The following COL5A2 variants were observed in gnomAD, a reference collection of about 807,000 sequenced individuals.
COL5A2 encodes the protein collagen alpha-2(V) chain.
A neutral mutation model predicts 208.2 loss-of-function variants in COL5A2; 23 were observed. The observed-to-expected ratio is 0.11, with a 90% CI of 0.08 to 0.16. The LOEUF (loss-of-function observed/expected upper bound fraction) is 0.16. Ranked by LOEUF, COL5A2 falls within the 10% of genes least tolerant of loss-of-function variation. COL5A2 has a pLI of 1.00. For missense variants in COL5A2, 1,590 were observed against 1,956.4 expected, an observed-to-expected ratio of 0.81 and a Z score of 3.53; for synonymous variants, 625 against 628.5, an observed-to-expected ratio of 0.99 and a Z score of 0.08.
intron 4 of COL5A2, 102 bp downstream of exon 4, chr2:189,100,005 T>G: frequency 9.9e-7 from 1 of 1,012,162 alleles, no homozygotes; most frequent in Non-Finnish European, 1.5e-6. Context: ...TTAAAATAAC[T>G]AATTTATTTT....
chr2:189,064,953 T>A (rs547400416), intron 24 of COL5A2, 51 bp downstream of exon 24: 3 of 1,576,748 alleles, frequency 1.9e-6, no homozygotes, highest in African/African-American at 2.7e-5. Context: ...AAAAATGGCA[T>A]CTTCTGGAGC....
chr2:189,313,539 C>A, the COL5A2 span, among the ~76,000 whole-genome samples: 1 of 152,118 alleles, frequency 6.6e-6, no homozygotes, highest in Non-Finnish European at 1.5e-5. Context: ...ATAAACAAGT[C>A]TGCAAAATAA....
chr2:189,053,154 G>T (rs1685828025), intron 38 of COL5A2, 136 bp from the exon 39 acceptor site: 1 of 804,810 alleles, frequency 1.2e-6, no homozygotes, highest in Non-Finnish European at 2.0e-6. Flanking sequence ...GCATACTAAA[G>T]GAAAAAAAGT....
chr2:189,325,493 C>CACACACAT, the COL5A2 span, among the ~76,000 whole-genome samples: 2 of 151,860 alleles, frequency 1.3e-5, no homozygotes, highest in Admixed American at 6.6e-5. Flanking sequence ...CACACACACA[C>CACACACAT]ACACACATAC....
chr2:189,160,822 TTTTTC>T (rs1688347043), intron 1 of COL5A2, among the ~76,000 whole-genome samples: 1 of 150,758 alleles, frequency 6.6e-6, no homozygotes, highest in South Asian at 2.1e-4. Context: ...TTTTCTTTTC[TTTTTC>T]CTTTTTTTTT....
the COL5A2 span, among the ~76,000 whole-genome samples, chr2:189,308,114 G>T: frequency 6.6e-6 from 1 of 152,030 alleles, no homozygotes; most frequent in Non-Finnish European, 1.5e-5. Flanking sequence ...AATAAACTGG[G>T]GTGTGGGTGT....
intron 53 of COL5A2, 64 bp downstream of exon 53, chr2:189,034,852 A>G: frequency 1.9e-6 from 3 of 1,600,958 alleles, no homozygotes; most frequent in Non-Finnish European, 8.5e-7. Flanking sequence ...GTGCTGTAAT[A>G]GTATTTTTAA....
At chr2:189,332,603 C>T in the COL5A2 span, among the ~76,000 whole-genome samples, 1 of 152,162 alleles carries the variant, frequency 6.6e-6, no homozygotes, top group African/African-American at 2.4e-5. Flanking sequence ...TTTCCCTACA[C>T]AAGCTCCCTC....
chr2:189,252,476 C>T, the COL5A2 span, among the ~76,000 whole-genome samples: 1 of 152,072 alleles, frequency 6.6e-6, no homozygotes, highest in Admixed American at 6.6e-5. Context: ...ATGGATGAAG[C>T]TGGAAACAAT....
rs186984798 is a variant in COL5A2 at position 189,209,115 on chromosome 2, A to C, written c.-42+16033T>G. ...TCAGCCTTCTGCCTCTGTTCCCTGC[A>C]CTATATAGGTGGTAGAAGCTTCTAC... On this transcript the variant is annotated intron_variant, in intron 1 of 10. Transcript: ENST00000649966. Among the ~76,000 whole-genome samples the C allele has an allele frequency of 2.3e-4, 35 of 152,228 alleles. No individual in the cohort carries two copies. The East Asian group carries it at 6.0e-3, about 26-fold the overall frequency.
chr2:189,345,802 T>C, the COL5A2 span, among the ~76,000 whole-genome samples: 1 of 152,124 alleles, frequency 6.6e-6, no homozygotes, highest in South Asian at 2.1e-4. Flanking sequence ...TGTAGCCCAA[T>C]TTATGCAAGC....
chr2:189,048,187 T>A (rs1464390256), intron 45 of COL5A2, 22 bp downstream of exon 45: 17 of 1,610,436 alleles, frequency 1.1e-5, no homozygotes, highest in East Asian at 2.2e-5. Flanking sequence ...TTAGATTTTA[T>A]AATAAGTGAA....
At chr2:189,049,537 T>A in intron 43 of COL5A2, 83 bp from the exon 44 acceptor site, 1 of 1,010,266 alleles carries the variant, frequency 9.9e-7, no homozygotes, top group Non-Finnish European at 1.5e-6. Flanking sequence ...TTCAAAATGG[T>A]GCCTCTGGGC....
At position 189,066,723 on chromosome 2, in the gene COL5A2, C is replaced by T. The variant is rs113512079; in HGVS notation, c.1455+6G>A. On this transcript the variant is annotated splice_donor_region_variant and intron_variant, in intron 22 of 53. Coordinates refer to ENST00000374866, the MANE Select transcript of COL5A2 (RefSeq NM_000393.5). ...TCTACTTATCATTAAAACAATGAAA[C>T]CTTACTGGTTCCCCTTTTGGGCCAG... 1.9e-4 allele frequency: 304 copies of T among 1,611,290 alleles called. 5 individuals carry two copies. In the African/African-American group the frequency reaches 3.0e-3, roughly 16 times the overall value.
chr2:189,378,303 A>G, the COL5A2 span, among the ~76,000 whole-genome samples: 7 of 152,348 alleles, frequency 4.6e-5, no homozygotes, highest in African/African-American at 1.7e-4. Flanking sequence ...TAGAATAGAT[A>G]AGGTAAATAC....
the COL5A2 span, among the ~76,000 whole-genome samples, chr2:189,412,591 A>C: frequency 6.6e-6 from 1 of 152,200 alleles, no homozygotes; most frequent in Non-Finnish European, 1.5e-5. Flanking sequence ...TCAGTTTCTA[A>C]ATAATTTCAC....
rs768348357 is a variant in COL5A2, at chr2:189,064,652, C to G, written c.1621G>C (p.Ala541Pro). 2 of 1,610,210 alleles carry G rather than the reference C, an allele frequency of 1.2e-6. No homozygotes were observed. Among genetic ancestry groups the G allele is most frequent in the Non-Finnish European group, 8.5e-7 (1 of 1,176,694 alleles). ...CCTACAGGACCCCGTTCTCCTTGAG[C>G]ACCCTGTACCGAGGCAAAGCAGATG... ...GSDGLPGPKGAQGERGPVGSS... is the reference protein window; with the variant it reads ...GSDGLPGPKGPQGERGPVGSS... Residue 541 changes from alanine (A) to proline (P), a missense_variant, in exon 25 of 54, where the codon GCT becomes CCT. By Grantham distance (27) the Ala-to-Pro change is conservative. Transcript: ENST00000374866.
intron 1 of COL5A2, among the ~76,000 whole-genome samples, chr2:189,203,199 C>A (rs1040391816): frequency 2.0e-5 from 3 of 152,180 alleles, no homozygotes; most frequent in Non-Finnish European, 4.4e-5. Flanking sequence ...TATTTGCACC[C>A]TCCCAAATCT....
At chr2:189,238,175 T>C in the COL5A2 span, among the ~76,000 whole-genome samples, 1 of 149,850 alleles carries the variant, frequency 6.7e-6, no homozygotes, top group Non-Finnish European at 1.5e-5. Context: ...CCAATAAAAA[T>C]GTGATAAATA....
Sources: gnomAD v4.1 joint callset for allele counts (sites outside exome capture counted in the v4.1 genomes callset) on GRCh38, gnomAD v4.1.1 for gene constraint, MANE v1.5 for transcripts, NCBI Gene and HGNC (gene_info 2026-07-23, HGNC 2026-07-21) for gene names.